Variants in RNF145 observed in about 807,000 individuals in gnomAD.
The protein encoded by RNF145 is ring finger protein 145.
In RNF145, 12 loss-of-function variants were observed where a neutral mutation model predicts 57.3. That is an observed-to-expected ratio of 0.21 (90% CI 0.13 to 0.34). The LOEUF is 0.34. RNF145 is among the 10% of genes least tolerant of loss of function. The pLI is 1.00. For synonymous variants in RNF145, 262 were observed against 288.3 expected (o/e 0.91, Z 0.92); for missense variants, 429 against 799.0 (o/e 0.54, Z 5.58).
At chr5:159,166,203 T>C (rs1396310209) in intron 8 of RNF145, among the ~76,000 whole-genome samples, 1 of 152,228 alleles carries the variant, frequency 6.6e-6, no homozygotes, top group Non-Finnish European at 1.5e-5. Flanking sequence ...CTTCTCTTCA[T>C]GTTTGCATTT....
intron 1 of RNF145, among the ~76,000 whole-genome samples, chr5:159,206,755 G>A (rs1198378915): frequency 6.6e-6 from 1 of 152,098 alleles, no homozygotes; most frequent in African/African-American, 2.4e-5. Context: ...AGAGCTGAAA[G>A]CAGAAAAAAC....
At chr5:159,175,165 T>C (rs1784677774) in intron 5 of RNF145, among the ~76,000 whole-genome samples, 1 of 152,204 alleles carries the variant, frequency 6.6e-6, no homozygotes, top group African/African-American at 2.4e-5. Context: ...CCCAGTCTAT[T>C]AACTTCTATT....
At chr5:159,207,590 A>G (rs1785939344) in intron 1 of RNF145, 8 of 1,593,534 alleles carry the variant, frequency 5.0e-6, no homozygotes, top group South Asian at 4.6e-5. Flanking sequence ...GGTAGGCCTC[A>G]CTGAAAATGT....
At chr5:159,191,032 A>G (rs2113198873) in intron 3 of RNF145, among the ~76,000 whole-genome samples, 1 of 152,028 alleles carries the variant, frequency 6.6e-6, no homozygotes, top group South Asian at 2.1e-4. Context: ...AACTGGAAGA[A>G]GAAGAACTGT....
chr5:159,191,465 G>A (rs1046857909), intron 3 of RNF145, among the ~76,000 whole-genome samples: 8 of 151,960 alleles, frequency 5.3e-5, no homozygotes, highest in Non-Finnish European at 1.2e-4. Context: ...AAGTATTTTT[G>A]CCTACTATAA....
chr5:159,188,218 T>A (rs530554463), intron 3 of RNF145, among the ~76,000 whole-genome samples: 16 of 148,434 alleles, frequency 1.1e-4, no homozygotes, highest in African/African-American at 3.7e-4. Flanking sequence ...CCATCTCTAC[T>A]AAAAAAAAAA....
intron 10 of RNF145, 106 bp from the exon 11 acceptor site, chr5:159,159,141 T>C (rs925437338): frequency 2.4e-5 from 24 of 1,016,640 alleles, no homozygotes; most frequent in Non-Finnish European, 3.5e-5. Context: ...AATAGAAAAT[T>C]TGTAACATAG....
Position 159,161,635 on chromosome 5 carries a change from AAAAAAT to A in RNF145, c.1270-19_1270-14del, listed in dbSNP as rs773623177. On this transcript the variant is annotated splice_polypyrimidine_tract_variant and intron_variant, in intron 9 of 10. Transcript: ENST00000424310. ...GTGTTCCCAGAACCTGAAAAAAAAAAAAAAATGTACGTATCTTGAAATATGATCACT... is the reference window on the plus strand; with the variant it reads ...GTGTTCCCAGAACCTGAAAAAAAAAAGTACGTATCTTGAAATATGATCACT... 2.0e-4 allele frequency: 275 copies of A among 1,399,128 alleles called. No individual in the cohort carries two copies. The highest frequency in any genetic ancestry group is 3.6e-4 in the Middle Eastern group (2 of 5,496). 86.7% of individuals were successfully genotyped at this position (1,399,128 alleles called of 1,614,324 possible).
Position 159,158,541 on chromosome 5 carries a change from G to A in RNF145, c.*129C>T. 8.2e-7 allele frequency: 1 copy of A among 1,224,026 alleles called. No individual in the cohort carries two copies. The highest frequency in any genetic ancestry group is 1.1e-6 in the Non-Finnish European group (1 of 881,280). 75.8% of individuals were successfully genotyped at this position (1,224,026 alleles called of 1,614,324 possible). On this transcript the variant is annotated 3_prime_UTR_variant, in exon 11 of 11. Transcript: ENST00000424310. ...TGGTCCCCACTGAGAGTACTTCCTG[G>A]ATTAGATCCTTGGAATGTCAGTTTC... is the stretch of plus-strand genomic sequence containing the variant.
Position 159,158,502 on chromosome 5 carries a change from G to T in RNF145, c.*168C>A. ...TGCAAAATTTCTCCCACAATGTCAGGGGATGAAAGCAGGTGGTCCCCACTG... is the reference window on the plus strand; with the variant it reads ...TGCAAAATTTCTCCCACAATGTCAGTGGATGAAAGCAGGTGGTCCCCACTG... On this transcript the variant is annotated 3_prime_UTR_variant, in exon 11 of 11. Transcript: ENST00000424310. 1 of 769,886 alleles carries T rather than the reference G, an allele frequency of 1.3e-6. No homozygotes were observed. The highest frequency in any genetic ancestry group is 1.7e-5 in the African/African-American group (1 of 57,690). 47.7% of individuals were successfully genotyped at this position (769,886 alleles called of 1,614,324 possible).
At chr5:159,172,519 T>A (rs1051581370) in intron 6 of RNF145, among the ~76,000 whole-genome samples, 1 of 152,048 alleles carries the variant, frequency 6.6e-6, no homozygotes, top group East Asian at 1.9e-4. Context: ...ATAATACTTA[T>A]ATCAAAAACA....
At chr5:159,181,573 T>G (rs573718719) in intron 4 of RNF145, among the ~76,000 whole-genome samples, 1 of 152,164 alleles carries the variant, frequency 6.6e-6, no homozygotes, top group Non-Finnish European at 1.5e-5. Context: ...CTCAAGTTCT[T>G]GATGTTTCCG....
At chr5:159,172,620 A>G (rs1427247900) in intron 6 of RNF145, among the ~76,000 whole-genome samples, 2 of 152,222 alleles carry the variant, frequency 1.3e-5, no homozygotes, top group African/African-American at 2.4e-5. Flanking sequence ...GAAGCTACTT[A>G]TAATTGTTAT....
At chr5:159,208,974 G>A (rs946965174) in intron 1 of RNF145, among the ~76,000 whole-genome samples, 1 of 151,794 alleles carries the variant, frequency 6.6e-6, no homozygotes, top group African/African-American at 2.4e-5. Context: ...CGGGGCCCAG[G>A]AGGGGAGAGC....
chr5:159,190,237 T>C (rs563123501), intron 3 of RNF145, among the ~76,000 whole-genome samples: 3 of 152,152 alleles, frequency 2.0e-5, no homozygotes, highest in Middle Eastern at 3.2e-3. Context: ...TTTCACCATG[T>C]TGCCCAGGCT....
At chr5:159,167,534 A>G (rs1384906280) in intron 8 of RNF145, among the ~76,000 whole-genome samples, 1 of 152,202 alleles carries the variant, frequency 6.6e-6, no homozygotes, top group East Asian at 1.9e-4. Flanking sequence ...ATCAATATAT[A>G]CTAAATTAAT....
Position 159,194,820 on chromosome 5 carries a change from A to G in RNF145, c.189T>C (p.Tyr63=). The part of the protein sequence containing the change: ...YLALNMHYVG[Y]ILSVVLLTLP... ...ATGTTAGCAGCACCACACTTAAGAT[A>G]TAACCTGTACCAGAAAGATAAATAA... Residue 63 remains tyrosine, a synonymous_variant, in exon 3 of 11, where the codon TAT becomes TAC. Coordinates refer to ENST00000424310, the MANE Select transcript of RNF145 (RefSeq NM_001199383.2). 6.3e-7 allele frequency: 1 copy of G among 1,592,984 alleles called. No individual in the cohort carries two copies. The highest frequency in any genetic ancestry group is 8.6e-7 in the Non-Finnish European group (1 of 1,164,042).
At chr5:159,196,159 C>T (rs1785452549) in intron 2 of RNF145, among the ~76,000 whole-genome samples, 1 of 151,962 alleles carries the variant, frequency 6.6e-6, no homozygotes, top group Non-Finnish European at 1.5e-5. Flanking sequence ...GGCCCATGGG[C>T]TACATGTGGC....
intron 5 of RNF145, among the ~76,000 whole-genome samples, chr5:159,174,407 C>T (rs147735450): frequency 2.6e-3 from 390 of 152,142 alleles, no homozygotes; most frequent in Non-Finnish European, 4.5e-3. Context: ...CCTAATAGTT[C>T]AGGGATAAGG....
Sources: allele counts gnomAD v4.1 joint callset (sites outside exome capture counted in the v4.1 genomes callset), GRCh38; gene constraint gnomAD v4.1.1; transcripts MANE v1.5; gene names NCBI Gene and HGNC (gene_info 2026-07-23, HGNC 2026-07-21).